Variants in CDK5RAP1 observed in about 807,000 individuals in gnomAD.
CDK5RAP1 encodes mitochondrial tRNA methylthiotransferase CDK5RAP1.
CDK5RAP1 carries 62 observed loss-of-function variants against 64.5 expected under a neutral mutation model. The ratio of observed to expected loss-of-function variants is 0.96; its 90% CI spans 0.78 to 1.19. The LOEUF is 1.19. CDK5RAP1 is among the 50% of genes most tolerant of loss of function. The probability of loss-of-function intolerance (pLI) is 0.00; values close to 1 mark genes in which losing one functional copy is unlikely to be tolerated. For missense variants in CDK5RAP1, 657 were observed against 735.0 expected (o/e 0.89, Z 1.23); for synonymous variants, 250 against 261.9 (o/e 0.95, Z 0.44).
chr20:33,396,997 G>A lies in CDK5RAP1; in HGVS notation c.68C>T (p.Ser23Phe). 1 of 1,614,146 alleles carries A rather than the reference G, an allele frequency of 6.2e-7. No homozygotes were observed. Residue 23 changes from serine to phenylalanine, a missense_variant, in exon 2 of 14, where the codon TCT becomes TTT. Ser to Phe is a radical substitution (Grantham distance 155, BLOSUM62 -2). Transcript: ENST00000346416. ...SLGWGPLASV[S>F]WLSLRMCRAH... ...CCTGCACATCCTCAGCGACAGCCAAGACACAGAGGCCAATGGTCCCCACCC... is the reference window on the plus strand; with the variant it reads ...CCTGCACATCCTCAGCGACAGCCAAAACACAGAGGCCAATGGTCCCCACCC...
intron 5 of CDK5RAP1, among the ~76,000 whole-genome samples, chr20:33,388,097 C>G (rs1987688803): frequency 6.6e-6 from 1 of 151,990 alleles, no homozygotes; most frequent in African/African-American, 2.4e-5. Flanking sequence ...AAACCACCAC[C>G]CACAAACCTT....
chr20:33,388,125 T>G (rs571836601), intron 5 of CDK5RAP1, among the ~76,000 whole-genome samples: 2 of 151,980 alleles, frequency 1.3e-5, no homozygotes, highest in South Asian at 4.1e-4. Flanking sequence ...ATGAACCATG[T>G]CTTCTTTCAA....
chr20:33,398,411 T>C (rs1306645471), intron 1 of CDK5RAP1, among the ~76,000 whole-genome samples: 3 of 152,180 alleles, frequency 2.0e-5, no homozygotes, highest in Non-Finnish European at 4.4e-5. Flanking sequence ...TGAGAATCTC[T>C]TGAGCTCAGG....
intron 9 of CDK5RAP1, 23 bp downstream of exon 9, chr20:33,374,092 C>G (rs905871118): frequency 6.6e-7 from 1 of 1,522,000 alleles, no homozygotes; most frequent in Non-Finnish European, 9.1e-7. Context: ...GTGAGGGATG[C>G]CCCCTCTCCA....
chr20:33,379,585 G>T lies in CDK5RAP1; in HGVS notation c.983C>A (p.Thr328Asn), dbSNP rs1252284412. Reference sequence around the variant, plus strand: ...TCCTTGCTTGGTTTTATAGTTGGTGGTAAAGCCACGACTGAGATTGGTAGG... The same window carrying T: ...TCCTTGCTTGGTTTTATAGTTGGTGTTAAAGCCACGACTGAGATTGGTAGG... ...AVPTNLSRGF[T>N]TNYKTKQGGL... Residue 328 changes from threonine to asparagine, a missense_variant, in exon 8 of 14, where the codon ACC (threonine) becomes AAC (asparagine). Coordinates refer to ENST00000346416, the MANE Select transcript of CDK5RAP1 (RefSeq NM_016408.4). The T allele has an allele frequency of 6.2e-7, 1 of 1,613,966 alleles. No homozygotes were observed. The highest frequency in any genetic ancestry group is 8.5e-7 in the Non-Finnish European group (1 of 1,179,894).
intron 12 of CDK5RAP1, among the ~76,000 whole-genome samples, chr20:33,364,483 G>A (rs192599665): frequency 5.2e-4 from 79 of 151,990 alleles, no homozygotes; most frequent in Admixed American, 1.3e-3. Flanking sequence ...CACCGCGCCT[G>A]GCCCGAAGAA....
At position 33,385,840 on chromosome 20, in the gene CDK5RAP1, C is replaced by T. The variant is rs1292025021; in HGVS notation, c.756-70G>A. The T allele has an allele frequency of 1.3e-5, 18 of 1,419,598 alleles. 1 individual carries two copies. The highest frequency in any genetic ancestry group is 1.6e-5 in the Non-Finnish European group (17 of 1,041,140). 87.9% of individuals were successfully genotyped at this position (1,419,598 alleles called of 1,614,324 possible). A position where few individuals can be genotyped will look rare whatever the true frequency, so the allele number is the denominator to read the frequency against. On this transcript the variant is annotated intron_variant, in intron 6 of 13. Transcript: ENST00000346416. ...CTGGTATGACCCAAGGAGCAGGACT[C>T]AGCTTCAATAGCATTATTCTTTGGC...
chr20:33,390,375 A>G (rs752365517), intron 5 of CDK5RAP1, among the ~76,000 whole-genome samples: 1 of 152,156 alleles, frequency 6.6e-6, no homozygotes, highest in Non-Finnish European at 1.5e-5. Context: ...CACAAAAAAG[A>G]CAAAATTGTA....
At chr20:33,401,392 G>A in intron 1 of CDK5RAP1, 36 bp downstream of exon 1, 1 of 985,350 alleles carries the variant, frequency 1.0e-6, no homozygotes, top group Non-Finnish European at 1.2e-6. Flanking sequence ...AGTCAAAAGC[G>A]GGTGCGCAGC....
In CDK5RAP1 at chr20:33,359,163, A is replaced by G. The variant is rs754138775; in HGVS notation, c.1684-40T>C. On this transcript the variant is annotated intron_variant, in intron 13 of 13. Coordinates refer to ENST00000346416, the MANE Select transcript of CDK5RAP1 (RefSeq NM_016408.4). The stretch of plus-strand genomic sequence containing the variant: ...GGCAGAAGAAGGCAAAATAACTAGG[A>G]CTGTAGCACTGGGACTTCATGTGGA... 7.8e-6 allele frequency: 11 copies of G among 1,409,070 alleles called. No homozygotes were observed. In the South Asian group the frequency reaches 1.3e-4, roughly 16 times the overall value. The allele number at this position is 1,409,070 out of a possible 1,614,324, so 87.3% of individuals were successfully genotyped here.
At chr20:33,389,113 C>T (rs1282251883) in intron 5 of CDK5RAP1, among the ~76,000 whole-genome samples, 1 of 148,102 alleles carries the variant, frequency 6.8e-6, no homozygotes, top group Non-Finnish European at 1.5e-5. Flanking sequence ...AGCCCCTCTG[C>T]CCGGCTGCCC....
At position 33,375,925 on chromosome 20, in the gene CDK5RAP1, T is replaced by C. The variant is rs566334874; in HGVS notation, c.1108-1713A>G. Among the ~76,000 whole-genome samples the C allele has an allele frequency of 2.0e-5, 3 of 152,306 alleles. No homozygotes were observed. The South Asian group carries it at 6.2e-4, about 32-fold the overall frequency. On this transcript the variant is annotated intron_variant, in intron 8 of 13. Transcript: ENST00000346416. ...CACCCTCGCTAGAGTGCAATGAAAC[T>C]GTAGCTCACCCCAACCTTGAACTGC...
intron 6 of CDK5RAP1, 41 bp downstream of exon 6, chr20:33,387,279 AAGG>A (rs1256462319): frequency 1.4e-6 from 2 of 1,440,396 alleles, no homozygotes; most frequent in East Asian, 2.3e-5. Context: ...AAAAGTGTGA[AAGG>A]AGGAAGAGGC....
chr20:33,370,359 A>G (rs1984771651), intron 11 of CDK5RAP1, 140 bp downstream of exon 11: 2 of 787,198 alleles, frequency 2.5e-6, no homozygotes, highest in Admixed American at 2.6e-5. Flanking sequence ...TACTAGAAAA[A>G]TGAACGGAAG....
At chr20:33,385,828 A>C (rs1162818538) in intron 6 of CDK5RAP1, 58 bp from the exon 7 acceptor site, 1 of 1,534,410 alleles carries the variant, frequency 6.5e-7, no homozygotes, top group Admixed American at 1.9e-5. Context: ...GTATGACCCA[A>C]GGAGCAGGAC....
chr20:33,385,662 C>T lies in CDK5RAP1; in HGVS notation c.864G>A (p.Lys288=). ...GAGAACTCTTCACCTGCTCAGAAAGCTTCTTCACTTCCTCTAGAATGGAGG... is the reference window on the plus strand; with the variant it reads ...GAGAACTCTTCACCTGCTCAGAAAGTTTCTTCACTTCCTCTAGAATGGAGG... ...PIASILEEVK[K]LSEQGLKEVT... Residue 288 remains lysine (K), a synonymous_variant, in exon 7 of 14, where the codon AAG becomes AAA. Coordinates refer to ENST00000346416, the MANE Select transcript of CDK5RAP1 (RefSeq NM_016408.4). The T allele has an allele frequency of 6.2e-7, 1 of 1,614,158 alleles. No homozygotes were observed.
At chr20:33,373,052 C>G in intron 9 of CDK5RAP1, 1 of 206,210 alleles carries the variant, frequency 4.8e-6, no homozygotes, top group Non-Finnish European at 9.7e-6. Context: ...GCTGGGACCA[C>G]AGATGTGCGC....
At chr20:33,390,444 G>A (rs1225734686) in intron 5 of CDK5RAP1, among the ~76,000 whole-genome samples, 1 of 152,098 alleles carries the variant, frequency 6.6e-6, no homozygotes, top group Non-Finnish European at 1.5e-5. Flanking sequence ...AAGTAGAATG[G>A]TGATTGCCAG....
intron 12 of CDK5RAP1, among the ~76,000 whole-genome samples, chr20:33,360,839 T>A (rs1307133744): frequency 6.6e-6 from 1 of 152,206 alleles, no homozygotes. Flanking sequence ...CCCAGTCTCA[T>A]ACTAGTCACT....
Sources: gnomAD v4.1 joint callset for allele counts (sites outside exome capture counted in the v4.1 genomes callset) on GRCh38, gnomAD v4.1.1 for gene constraint, MANE v1.5 for transcripts, NCBI Gene and HGNC (gene_info 2026-07-23, HGNC 2026-07-21) for gene names.